Variants in GNA15 observed in about 807,000 individuals in gnomAD.
GNA15 encodes the protein guanine nucleotide-binding protein subunit alpha-15.
Under a neutral mutation model 40.1 loss-of-function variants are expected in GNA15, and 23 were observed. The ratio of observed to expected loss-of-function variants is 0.57; its 90% confidence interval spans 0.41 to 0.81. GNA15 has a LOEUF of 0.81. Ranked by LOEUF, GNA15 falls within the 40% of genes least tolerant of loss-of-function variation. The pLI is 0.00. For synonymous variants in GNA15, 226 were observed against 210.4 expected (o/e 1.07, Z -0.64); for missense variants, 522 against 515.8 (o/e 1.01, Z -0.12).
rs921752713 is a variant in GNA15 at position 3,136,355 on chromosome 19, C to T, written c.-96C>T. 21 of 1,314,102 alleles carry T rather than the reference C, an allele frequency of 1.6e-5. No homozygotes were observed. In the Middle Eastern group the frequency reaches 8.1e-4, roughly 50 times the overall value. 81.4% of individuals were successfully genotyped at this position (1,314,102 alleles called of 1,614,324 possible). On this transcript the variant is annotated 5_prime_UTR_variant, in exon 1 of 7. Transcript: ENST00000262958. The surrounding 1 kb of genome is among the most constrained non-coding windows in gnomAD (Gnocchi z 4.9). ...GCAGCCTCCCTGCGCACCCGGTTGCCCGGAGCCCTCTCCAGGGCCGGCTGG... is the reference window on the plus strand; with the variant it reads ...GCAGCCTCCCTGCGCACCCGGTTGCTCGGAGCCCTCTCCAGGGCCGGCTGG...
rs1283569130 is a variant in GNA15, at chr19:3,163,174, T to C, written c.*155T>C. 9.7e-6 allele frequency: 6 copies of C among 621,320 alleles called. No homozygotes were observed. Among genetic ancestry groups the C allele is most frequent in the Non-Finnish European group, 1.7e-5 (6 of 346,616 alleles). 38.5% of individuals were successfully genotyped at this position (621,320 alleles called of 1,614,324 possible). A position where few individuals can be genotyped will look rare whatever the true frequency, so the allele number is the denominator to read the frequency against. ...GCCCGCTGCTGGCCGCTCTCTTCTC[T>C]GCCTCTCACCAGGACAGCCGCCCCC... On this transcript the variant is annotated 3_prime_UTR_variant, in exon 7 of 7. Transcript: ENST00000262958.
At chr19:3,156,510 GCA>G (rs1374855828) in intron 5 of GNA15, among the ~76,000 whole-genome samples, 2 of 151,596 alleles carry the variant, frequency 1.3e-5, no homozygotes, top group African/African-American at 2.4e-5. Flanking sequence ...ACACATGCGT[GCA>G]CACACACATG....
chr19:3,148,565 G>A (rs201026642), intron 1 of GNA15, 26 bp from the exon 2 acceptor site: 1 of 1,538,100 alleles, frequency 6.5e-7, no homozygotes. Flanking sequence ...GTGGAGGGCT[G>A]AGCGGTTCTG....
At chr19:3,162,156 G>C (rs1314929812) in intron 6 of GNA15, among the ~76,000 whole-genome samples, 2 of 152,206 alleles carry the variant, frequency 1.3e-5, no homozygotes, top group Middle Eastern at 3.4e-3. Flanking sequence ...ACCCTATGCA[G>C]GGCTGGGCAC....
At chr19:3,139,061 T>C (rs1914520853) in intron 1 of GNA15, among the ~76,000 whole-genome samples, 1 of 150,264 alleles carries the variant, frequency 6.7e-6, no homozygotes, top group Admixed American at 6.7e-5. Flanking sequence ...TTCTCCTGCC[T>C]CAGTCTCCTG....
At chr19:3,160,337 CCT>C (rs990750915) in intron 6 of GNA15, among the ~76,000 whole-genome samples, 1 of 152,180 alleles carries the variant, frequency 6.6e-6, no homozygotes, top group African/African-American at 2.4e-5. Flanking sequence ...TTCCACCTCC[CCT>C]GTTCTCTCTG....
At chr19:3,147,849 C>T (rs1914768831) in intron 1 of GNA15, among the ~76,000 whole-genome samples, 1 of 138,406 alleles carries the variant, frequency 7.2e-6, no homozygotes, top group South Asian at 2.4e-4. Flanking sequence ...GGTCGCGCCA[C>T]TGCACTCCAG....
At chr19:3,150,710 CA>C (rs760859040) in intron 3 of GNA15, among the ~76,000 whole-genome samples, 5 of 151,740 alleles carry the variant, frequency 3.3e-5, no homozygotes, top group Non-Finnish European at 5.9e-5. Flanking sequence ...GACCCTGTTT[CA>C]GGGGTGACCC....
chr19:3,150,177 C>T lies in GNA15; in HGVS notation c.377C>T (p.Thr126Met). The T allele has an allele frequency of 1.2e-6, 2 of 1,613,358 alleles. No homozygotes were observed. Among genetic ancestry groups the T allele is most frequent in the East Asian group, 2.2e-5 (1 of 44,868 alleles). ...AGCCAGGACCCCTATAAAGTGACCACGTTTGAGAAGCGCTACGCTGCGGCC... is the reference window on the plus strand; with the variant it reads ...AGCCAGGACCCCTATAAAGTGACCATGTTTGAGAAGCGCTACGCTGCGGCC... ...VMSQDPYKVT[T>M]FEKRYAAAMQ... Residue 126 changes from threonine to methionine, a missense_variant, in exon 3 of 7, where the codon ACG becomes ATG. By Grantham distance (81) the Thr-to-Met change is moderately conservative. Coordinates refer to ENST00000262958, the MANE Select transcript of GNA15 (RefSeq NM_002068.4).
chr19:3,142,300 C>T (rs945755445), intron 1 of GNA15: 1 of 152,220 alleles, frequency 6.6e-6, no homozygotes, highest in Non-Finnish European at 1.5e-5. Context: ...TCCCAGAATC[C>T]TTTGTGGCTT....
At chr19:3,160,917 C>A (rs1425694362) in intron 6 of GNA15, among the ~76,000 whole-genome samples, 1 of 149,116 alleles carries the variant, frequency 6.7e-6, no homozygotes, top group African/African-American at 2.5e-5. Context: ...GGATTTAGGG[C>A]CCATACTTTG....
rs1914466366 is a variant in GNA15, at chr19:3,136,679, A to G, written c.145+84A>G. On this transcript the variant is annotated intron_variant, in intron 1 of 6. Transcript: ENST00000262958. This position sits in a 1 kb window ranked among gnomAD's most constrained non-coding sequence, Gnocchi z 4.9. Reference sequence around the variant, plus strand: ...GGGTGTCGGGGCAAGGAGGCGGATCAGGCTAGGTCAGACATTGGCATCGTG... The same window carrying G: ...GGGTGTCGGGGCAAGGAGGCGGATCGGGCTAGGTCAGACATTGGCATCGTG... 1 of 1,276,904 alleles carries G rather than the reference A, an allele frequency of 7.8e-7. No individual in the cohort carries two copies. The highest frequency in any genetic ancestry group is 1.1e-6 in the Non-Finnish European group (1 of 916,542). The allele number at this position is 1,276,904 out of a possible 1,614,324, so 79.1% of individuals were successfully genotyped here.
Position 3,155,983 on chromosome 19 carries a change from T to C in GNA15, c.744+31T>C. On this transcript the variant is annotated intron_variant, in intron 5 of 6. Transcript: ENST00000262958. The surrounding 1 kb of genome is among the most constrained non-coding windows in gnomAD (Gnocchi z 5.6). ...CCACCGCCTCCCTCGCCCTGCCCACTTGTTGGCCCAGGGACCCTCACCTGA... is the reference window on the plus strand; with the variant it reads ...CCACCGCCTCCCTCGCCCTGCCCACCTGTTGGCCCAGGGACCCTCACCTGA... 11 of 1,607,836 alleles carry C rather than the reference T, an allele frequency of 6.8e-6. No homozygotes were observed. Among genetic ancestry groups the C allele is most frequent in the Non-Finnish European group, 9.4e-6 (11 of 1,175,534 alleles).
chr19:3,154,549 G>T (rs116513034), intron 4 of GNA15, among the ~76,000 whole-genome samples: 1 of 150,668 alleles, frequency 6.6e-6, no homozygotes, highest in East Asian at 2.0e-4. Flanking sequence ...GGTGGATTTC[G>T]TAAATGGGTG....
At chr19:3,162,716 C>T in intron 6 of GNA15, 77 bp from the exon 7 acceptor site, 3 of 890,656 alleles carry the variant, frequency 3.4e-6, no homozygotes, top group Non-Finnish European at 5.5e-6. Flanking sequence ...GTGCTGGTTA[C>T]AGGGAAGAGG....
At chr19:3,148,346 C>T (rs538377354) in intron 1 of GNA15, among the ~76,000 whole-genome samples, 3 of 152,318 alleles carry the variant, frequency 2.0e-5, no homozygotes, top group Admixed American at 6.5e-5. Flanking sequence ...CCTCAGCCTC[C>T]CAAAGTGCTG....
At chr19:3,145,354 TATA>T (rs1330591588) in intron 1 of GNA15, among the ~76,000 whole-genome samples, 7 of 35,972 alleles carry the variant, frequency 1.9e-4, no homozygotes, top group African/African-American at 3.7e-4. Context: ...TATATATATA[TATA>T]TATTTTTTTT....
At position 3,155,779 on chromosome 19, in the gene GNA15, G is replaced by A; in HGVS notation, c.615-44G>A. ...TGATGGGGGTTGGGGGTGTCACGGA[G>A]CAGGCTCCTGAGCTCTGAAAGGGGG... On this transcript the variant is annotated intron_variant, in intron 4 of 6. Coordinates refer to ENST00000262958, the MANE Select transcript of GNA15 (RefSeq NM_002068.4). This position sits in a 1 kb window ranked among gnomAD's most constrained non-coding sequence, Gnocchi z 5.6. The A allele has an allele frequency of 6.3e-7, 1 of 1,598,942 alleles. No homozygotes were observed. The highest frequency in any genetic ancestry group is 1.1e-5 in the South Asian group (1 of 89,498).
intron 1 of GNA15, among the ~76,000 whole-genome samples, chr19:3,139,621 C>T (rs1914530342): frequency 7.0e-6 from 1 of 142,324 alleles, no homozygotes; most frequent in South Asian, 2.2e-4. Context: ...AAAAAAATGC[C>T]GGGTGCAGTG....
Sources: gnomAD v4.1 joint callset for allele counts (sites outside exome capture counted in the v4.1 genomes callset) on GRCh38, gnomAD v4.1.1 for gene constraint, Gnocchi (gnomAD v3.1) non-coding constraint, MANE v1.5 for transcripts, NCBI Gene and HGNC (gene_info 2026-07-23, HGNC 2026-07-21) for gene names.